SLC14A2: variants seen among roughly 807,000 people sequenced by gnomAD.
SLC14A2 encodes urea transporter 2.
A neutral mutation model predicts 104.6 loss-of-function variants in SLC14A2; 91 were observed. The ratio of observed to expected loss-of-function variants is 0.87; its 90% CI spans 0.73 to 1.04. SLC14A2 has a LOEUF of 1.04. Ranked by LOEUF, SLC14A2 falls within the 50% of genes least tolerant of loss-of-function variation. The pLI is 0.00. For synonymous variants in SLC14A2, 476 were observed against 466.4 expected (o/e 1.02, Z -0.27); for missense variants, 1,189 against 1,156.0 (o/e 1.03, Z -0.41).
intron 1 of SLC14A2, among the ~76,000 whole-genome samples, chr18:45,391,415 A>G (rs1002686402): frequency 3.3e-5 from 5 of 152,184 alleles, no homozygotes; most frequent in Non-Finnish European, 7.3e-5. Flanking sequence ...AAGCAGCATG[A>G]TTTATAATCC....
At chr18:45,437,140 C>A (rs1335888158) in intron 1 of SLC14A2, among the ~76,000 whole-genome samples, 1 of 152,192 alleles carries the variant, frequency 6.6e-6, no homozygotes, top group Non-Finnish European at 1.5e-5. Flanking sequence ...CTCTGCTTTG[C>A]CCTTTATTTT....
At chr18:45,175,161 A>G in the SLC14A2 span, among the ~76,000 whole-genome samples, 8 of 152,196 alleles carry the variant, frequency 5.3e-5, no homozygotes, top group Admixed American at 5.2e-4. Flanking sequence ...GCAAAATGAT[A>G]TACCTACAAG....
intron 1 of SLC14A2, among the ~76,000 whole-genome samples, chr18:45,317,907 G>A (rs775853798): frequency 2.0e-5 from 3 of 152,144 alleles, no homozygotes; most frequent in Admixed American, 6.5e-5. Context: ...TGAGCCACAT[G>A]GATGATGAGG....
At chr18:45,357,232 A>T (rs998285495) in intron 1 of SLC14A2, among the ~76,000 whole-genome samples, 20 of 139,552 alleles carry the variant, frequency 1.4e-4, no homozygotes, top group African/African-American at 5.8e-4. Flanking sequence ...TGGCCTTGGG[A>T]CACAATTTTT....
intron 2 of SLC14A2, among the ~76,000 whole-genome samples, chr18:45,607,593 T>A (rs2044892969): frequency 6.6e-6 from 1 of 152,228 alleles, no homozygotes; most frequent in Admixed American, 6.5e-5. Context: ...GCTAATGTAT[T>A]CATTATCTAT....
intron 1 of SLC14A2, among the ~76,000 whole-genome samples, chr18:45,361,968 C>A (rs917335223): frequency 6.6e-6 from 1 of 152,188 alleles, no homozygotes; most frequent in Non-Finnish European, 1.5e-5. Flanking sequence ...TATGGTTGGG[C>A]TCTGTGTTCC....
intron 2 of SLC14A2, among the ~76,000 whole-genome samples, chr18:45,599,051 C>T (rs752451473): frequency 6.6e-6 from 1 of 152,016 alleles, no homozygotes; most frequent in Non-Finnish European, 1.5e-5. Flanking sequence ...ATGAAGATAC[C>T]AATGTGAAAA....
At chr18:45,467,995 T>C (rs1443416094) in intron 1 of SLC14A2, among the ~76,000 whole-genome samples, 2 of 152,156 alleles carry the variant, frequency 1.3e-5, no homozygotes, top group Admixed American at 6.5e-5. Context: ...CTGCCTGTAT[T>C]CCCAGAGAAT....
At chr18:45,681,975 G>A (rs1406538847) in intron 19 of SLC14A2, among the ~76,000 whole-genome samples, 1 of 152,202 alleles carries the variant, frequency 6.6e-6, no homozygotes, top group Non-Finnish European at 1.5e-5. Flanking sequence ...GACACAGGAT[G>A]ACCATAGTTC....
chr18:45,348,339 C>T (rs751631993), intron 1 of SLC14A2, among the ~76,000 whole-genome samples: 1 of 152,182 alleles, frequency 6.6e-6, no homozygotes, highest in African/African-American at 2.4e-5. Flanking sequence ...TCTGAAAACC[C>T]TTGCATATAA....
At chr18:45,455,859 T>G (rs80102186) in intron 1 of SLC14A2, among the ~76,000 whole-genome samples, 1 of 152,042 alleles carries the variant, frequency 6.6e-6, no homozygotes, top group African/African-American at 2.4e-5. Flanking sequence ...AAGCAAGATA[T>G]AGGAGAAAGA....
chr18:45,385,072 A>G lies in SLC14A2; in HGVS notation c.-124-98161A>G, dbSNP rs376067156. On this transcript the variant is annotated intron_variant, in intron 1 of 20. Transcript: ENST00000586448. ...ATTGTAATTGTCCTCCTCAGAGATGAAAAGGGAAGCTGAAAAACATCTGCA... is the reference window on the plus strand; with the variant it reads ...ATTGTAATTGTCCTCCTCAGAGATGGAAAGGGAAGCTGAAAAACATCTGCA... Among the ~76,000 whole-genome samples the G allele has an allele frequency of 4.8e-4, 73 of 152,354 alleles. 3 individuals carry two copies. The South Asian group carries it at 0.015, about 31-fold the overall frequency.
At chr18:45,278,940 C>T (rs2084732538) in intron 1 of SLC14A2, among the ~76,000 whole-genome samples, 3 of 152,206 alleles carry the variant, frequency 2.0e-5, no homozygotes, top group African/African-American at 4.8e-5. Context: ...ACTTTGTATA[C>T]ATGATCTCAC....
At position 45,668,561 on chromosome 18, in the gene SLC14A2, G is replaced by A. The variant is rs183036799; in HGVS notation, c.2036+84G>A. 127 of 1,478,128 alleles carry A rather than the reference G, an allele frequency of 8.6e-5. 1 individual carries two copies. The Admixed American group carries it at 1.0e-3, about 12-fold the overall frequency. The allele number at this position is 1,478,128 out of a possible 1,614,324, so 91.6% of individuals were successfully genotyped here. On this transcript the variant is annotated intron_variant, in intron 15 of 19. Coordinates refer to ENST00000255226, the MANE Select transcript of SLC14A2 (RefSeq NM_007163.4). ...CAATCCCATGACCGTCTGTCTAAACGTGATATTAAAGTGGCATGTATTTAG... is the reference window on the plus strand; with the variant it reads ...CAATCCCATGACCGTCTGTCTAAACATGATATTAAAGTGGCATGTATTTAG...
At chr18:45,304,577 A>G (rs1016017487) in intron 1 of SLC14A2, among the ~76,000 whole-genome samples, 4 of 152,256 alleles carry the variant, frequency 2.6e-5, no homozygotes, top group Admixed American at 6.5e-5. Flanking sequence ...AAGGCATTGT[A>G]ACTTGTTAAA....
intron 1 of SLC14A2, among the ~76,000 whole-genome samples, chr18:45,414,758 AT>A (rs1415480495): frequency 0.42 from 19,948 of 47,672 alleles, 3,189 homozygotes; most frequent in Non-Finnish European, 0.44. Context: ...AAAAAAAAAA[AT>A]ATATATATAT....
chr18:45,470,458 A>G (rs1294961874), intron 1 of SLC14A2, among the ~76,000 whole-genome samples: 2 of 152,078 alleles, frequency 1.3e-5, no homozygotes, highest in African/African-American at 4.8e-5. Context: ...AATGTCATAG[A>G]TGTGTTTGTA....
chr18:45,473,118 A>G (rs1598875122), intron 1 of SLC14A2, among the ~76,000 whole-genome samples: 1 of 152,218 alleles, frequency 6.6e-6, no homozygotes, highest in African/African-American at 2.4e-5. Context: ...TCCCAACACC[A>G]TTTATTAAAT....
At chr18:45,475,652 T>TATATATATATATATATTTAGG (rs1568227916) in intron 1 of SLC14A2, among the ~76,000 whole-genome samples, 4 of 41,042 alleles carry the variant, frequency 9.7e-5, no homozygotes, top group African/African-American at 3.2e-4. Context: ...GATATATATA[T>TATATATATATATATATTTAGG]ATATATATAT....
Sources: gnomAD v4.1 joint callset for allele counts (sites outside exome capture counted in the v4.1 genomes callset) on GRCh38, gnomAD v4.1.1 for gene constraint, MANE v1.5 for transcripts, NCBI Gene and HGNC (gene_info 2026-07-23, HGNC 2026-07-21) for gene names.